Variants in SIPA1L3 observed in about 807,000 individuals in gnomAD.
The protein encoded by SIPA1L3 is signal induced proliferation associated 1 like 3.
Under a neutral mutation model 150.1 loss-of-function variants are expected in SIPA1L3, and 59 were observed. The ratio of observed to expected loss-of-function variants is 0.39; its 90% CI spans 0.32 to 0.49. The LOEUF (loss-of-function observed/expected upper bound fraction) is 0.49. Ranked by LOEUF, SIPA1L3 falls within the 20% of genes least tolerant of loss-of-function variation. The pLI, the probability that SIPA1L3 is intolerant of heterozygous loss-of-function variation, is 0.86. For synonymous variants in SIPA1L3, 1,070 were observed against 1,077.6 expected (o/e 0.99, Z 0.14); for missense variants, 2,211 against 2,489.5 (o/e 0.89, Z 2.38).
At chr19:37,979,706 C>T (rs575021920) in intron 1 of SIPA1L3, among the ~76,000 whole-genome samples, 1 of 152,196 alleles carries the variant, frequency 6.6e-6, no homozygotes, top group African/African-American at 2.4e-5. Flanking sequence ...ACCCACCCCC[C>T]AAACCTACAA....
intron 1 of SIPA1L3, among the ~76,000 whole-genome samples, chr19:37,987,529 C>T (rs1967386239): frequency 6.6e-6 from 1 of 152,194 alleles, no homozygotes; most frequent in Admixed American, 6.5e-5. Context: ...TGGCCTCTAC[C>T]CACTAGATGC....
intron 1 of SIPA1L3, among the ~76,000 whole-genome samples, chr19:37,959,441 C>T (rs1344817349): frequency 6.6e-6 from 1 of 152,152 alleles, no homozygotes; most frequent in African/African-American, 2.4e-5. Context: ...CTTGCTTCAT[C>T]CCATTTATAT....
intron 1 of SIPA1L3, among the ~76,000 whole-genome samples, chr19:38,021,656 C>T (rs1272349537): frequency 2.6e-5 from 4 of 152,140 alleles, no homozygotes; most frequent in Admixed American, 2.6e-4. Flanking sequence ...ATCTTCCTGC[C>T]TCAGCCTCCC....
At chr19:38,176,952 CAA>C (rs1054972479) in intron 15 of SIPA1L3, among the ~76,000 whole-genome samples, 5 of 151,450 alleles carry the variant, frequency 3.3e-5, no homozygotes, top group Admixed American at 3.3e-4. Context: ...GCCTGGGCGA[CAA>C]GAGTGAAACT....
chr19:38,163,502 A>AC (rs1972138905), intron 14 of SIPA1L3, among the ~76,000 whole-genome samples: 1 of 151,670 alleles, frequency 6.6e-6, no homozygotes, highest in South Asian at 2.1e-4. Context: ...AAAAAAAAAA[A>AC]AAAAAAAAAC....
chr19:37,910,828 T>A (rs186164789), intron 1 of SIPA1L3, among the ~76,000 whole-genome samples: 1 of 152,330 alleles, frequency 6.6e-6, no homozygotes, highest in Non-Finnish European at 1.5e-5. Context: ...ACTCTTGACC[T>A]CAGGTGATCC....
chr19:38,077,661 C>CTTT (rs58788182), intron 2 of SIPA1L3, among the ~76,000 whole-genome samples: 2,129 of 63,978 alleles, frequency 0.033, 410 homozygotes, highest in Non-Finnish European at 0.038. Flanking sequence ...TTTTCTTTTT[C>CTTT]TTTTTTTTTT....
chr19:37,925,308 G>A (rs2046493506), intron 1 of SIPA1L3, among the ~76,000 whole-genome samples: 1 of 152,174 alleles, frequency 6.6e-6, no homozygotes, highest in Non-Finnish European at 1.5e-5. Flanking sequence ...ACTGCGTTAA[G>A]GTGGAGGGTG....
intron 6 of SIPA1L3, among the ~76,000 whole-genome samples, chr19:38,105,423 A>G (rs1446100810): frequency 6.6e-6 from 1 of 151,628 alleles, no homozygotes; most frequent in Admixed American, 6.6e-5. Flanking sequence ...TCCAGACGCT[A>G]CCACTCAGTA....
At chr19:38,083,200 A>G in intron 3 of SIPA1L3, 101 bp downstream of exon 3, 1 of 1,233,354 alleles carries the variant, frequency 8.1e-7, no homozygotes, top group Non-Finnish European at 1.1e-6. Context: ...CTGCTCTGGC[A>G]CTGAGGATGT....
At chr19:38,152,069 G>A (rs1041284166) in intron 12 of SIPA1L3, among the ~76,000 whole-genome samples, 8 of 151,920 alleles carry the variant, frequency 5.3e-5, no homozygotes, top group African/African-American at 1.9e-4. Context: ...GTGGGTGTGC[G>A]AAGCTGGCCT....
chr19:38,039,255 A>G (rs1968856651), intron 2 of SIPA1L3, among the ~76,000 whole-genome samples: 1 of 152,156 alleles, frequency 6.6e-6, no homozygotes, highest in Non-Finnish European at 1.5e-5. Context: ...TAATGCCCCA[A>G]GATAATCACT....
At chr19:38,198,363 C>T in intron 18 of SIPA1L3, 26 bp from the exon 19 acceptor site, 1 of 1,510,546 alleles carries the variant, frequency 6.6e-7, no homozygotes, top group Non-Finnish European at 8.8e-7. Flanking sequence ...CACTCAACCA[C>T]TGCCATCTCC....
At chr19:37,936,230 T>C (rs1050468305) in intron 1 of SIPA1L3, among the ~76,000 whole-genome samples, 3 of 152,126 alleles carry the variant, frequency 2.0e-5, no homozygotes, top group African/African-American at 7.2e-5. Flanking sequence ...TCTACAGTTT[T>C]TCAGTTGGGC....
At chr19:38,178,514 C>T (rs767428699) in intron 15 of SIPA1L3, among the ~76,000 whole-genome samples, 16 of 152,018 alleles carry the variant, frequency 1.1e-4, no homozygotes, top group Admixed American at 2.6e-4. Context: ...CTCACTCTGT[C>T]GCCCAGGCTG....
chr19:37,997,605 A>G (rs1469999965), intron 1 of SIPA1L3, among the ~76,000 whole-genome samples: 1 of 144,636 alleles, frequency 6.9e-6, no homozygotes, highest in Non-Finnish European at 1.5e-5. Flanking sequence ...ACGTTGGCTC[A>G]TGCCTGTAAT....
chr19:38,012,747 TC>T (rs1968134328), intron 1 of SIPA1L3, among the ~76,000 whole-genome samples: 1 of 151,992 alleles, frequency 6.6e-6, no homozygotes, highest in South Asian at 2.1e-4. Context: ...ACATTGGATA[TC>T]CTGCCATTCT....
Position 38,119,694 on chromosome 19 carries a change from A to G in SIPA1L3, c.2680A>G (p.Asn894Asp). Residue 894 changes from asparagine to aspartate, a missense_variant, in exon 9 of 22, where the codon AAT (asparagine) becomes GAT (aspartate). Asn to Asp is a conservative substitution (Grantham distance 23, BLOSUM62 1). Around this residue, in one of 5 missense-constraint regions of SIPA1L3, gnomAD observed 625 missense variants for 804.2 expected, o/e 0.78. Coordinates refer to ENST00000222345, the MANE Select transcript of SIPA1L3 (RefSeq NM_015073.3). ...AATCGACTGCATTTTGGGAATTTCC[A>G]ATGAGTTTGTGGTGCTCCTGGACTT... is the stretch of plus-strand genomic sequence containing the variant. ...VEIDCILGIS[N>D]EFVVLLDLRT... 2.5e-6 allele frequency: 4 copies of G among 1,614,152 alleles called. No individual in the cohort carries two copies. Among genetic ancestry groups the G allele is most frequent in the African/African-American group, 1.3e-5 (1 of 75,034 alleles).
intron 2 of SIPA1L3, among the ~76,000 whole-genome samples, chr19:38,080,897 G>C (rs956227267): frequency 6.6e-6 from 1 of 151,694 alleles, no homozygotes; most frequent in East Asian, 1.9e-4. Flanking sequence ...TCGAACCTTC[G>C]AGGTGGATGT....
Sources: gnomAD v4.1 joint callset for allele counts (sites outside exome capture counted in the v4.1 genomes callset) on GRCh38, gnomAD v4.1.1 for gene constraint, gnomAD v4.1.1 regional missense constraint, MANE v1.5 for transcripts, NCBI Gene and HGNC (gene_info 2026-07-23, HGNC 2026-07-21) for gene names.